Variants in TRRAP observed in about 807,000 individuals in gnomAD.
TRRAP encodes transformation/transcription domain associated protein.
In TRRAP, 41 loss-of-function variants were observed where a neutral mutation model predicts 438.8. The observed-to-expected ratio is 0.09, with a 90% confidence interval of 0.07 to 0.12. The LOEUF is 0.12. Ranked by LOEUF, TRRAP falls within the 10% of genes least tolerant of loss-of-function variation. The pLI is 1.00. For missense variants in TRRAP, 3,122 were observed against 5,055.1 expected, an observed-to-expected ratio of 0.62 and a Z score of 11.60; for synonymous variants, 1,994 against 1,962.9, an observed-to-expected ratio of 1.02 and a Z score of -0.42.
At chr7:98,986,955 G>C (rs1470929439) in intron 62 of TRRAP, among the ~76,000 whole-genome samples, 1 of 152,116 alleles carries the variant, frequency 6.6e-6, no homozygotes, top group Admixed American at 6.5e-5. Flanking sequence ...GAAAAGTCTA[G>C]TCTTTCTCCA....
chr7:98,882,933 A>G (rs1328420746), intron 3 of TRRAP, among the ~76,000 whole-genome samples: 3 of 152,246 alleles, frequency 2.0e-5, no homozygotes, highest in African/African-American at 7.2e-5. Context: ...TGCTGGGATT[A>G]CAGGCATGGG....
In TRRAP at chr7:98,994,779, C is replaced by T. The variant is rs1793575476; in HGVS notation, c.10240C>T (p.Leu3414=). The change falls in exon 67 of 73, where the codon CTG becomes TTG. Residue 3414 remains leucine, a synonymous_variant. Coordinates refer to ENST00000456197, the MANE Select transcript of TRRAP (RefSeq NM_001375524.1). This position sits in a 1 kb window ranked among gnomAD's most constrained non-coding sequence, Gnocchi z 4.8. Reference sequence around the variant, plus strand: ...GTTCTCCAGCGCAGCCTCTGAGTCTCTGGCCCGGCGGGCGCAGGCCACTGC... The same window carrying T: ...GTTCTCCAGCGCAGCCTCTGAGTCTTTGGCCCGGCGGGCGCAGGCCACTGC... ...TMFSSAASES[L]ARRAQATAQD... The T allele has an allele frequency of 1.2e-6, 2 of 1,614,212 alleles. No individual in the cohort carries two copies. Among genetic ancestry groups the T allele is most frequent in the South Asian group, 1.1e-5 (1 of 91,090 alleles).
intron 47 of TRRAP, among the ~76,000 whole-genome samples, chr7:98,963,015 C>A (rs1440381519): frequency 6.6e-6 from 1 of 152,144 alleles, no homozygotes; most frequent in Non-Finnish European, 1.5e-5. Flanking sequence ...ATTGCATATT[C>A]ATTGGGTGAA....
At chr7:98,900,407 C>T (rs1554406484) in intron 10 of TRRAP, among the ~76,000 whole-genome samples, 1 of 152,088 alleles carries the variant, frequency 6.6e-6, no homozygotes, top group African/African-American at 2.4e-5. Flanking sequence ...ATTGTAACTG[C>T]TATGGAATGG....
In TRRAP at chr7:98,897,835, A is replaced by T. The variant is rs552076320; in HGVS notation, c.602A>T (p.Asn201Ile). 1 of 1,614,026 alleles carries T rather than the reference A, an allele frequency of 6.2e-7. No individual in the cohort carries two copies. The highest frequency in any genetic ancestry group is 8.5e-7 in the Non-Finnish European group (1 of 1,180,000). Residue 201 changes from asparagine (N) to isoleucine (I), a missense_variant, in exon 8 of 73, where the codon AAC becomes ATC. Physicochemically the swap from Asn to Ile is moderately radical, Grantham distance 149. Transcript: ENST00000456197. ...ATAACAACGATTGCTGTGAAAGTCA[A>T]CCCGGAGCGTGAGGACAGTGAGACT... ...GMITTIAVKV[N>I]PEREDSETRT...
intron 46 of TRRAP, 146 bp downstream of exon 46, chr7:98,961,620 A>C (rs1791895602): frequency 9.9e-7 from 1 of 1,009,636 alleles, no homozygotes; most frequent in African/African-American, 1.6e-5. Context: ...TTAAAAACTG[A>C]CATGGAAACA....
At chr7:98,966,246 C>T (rs1290469157) in intron 49 of TRRAP, among the ~76,000 whole-genome samples, 5 of 151,556 alleles carry the variant, frequency 3.3e-5, no homozygotes, top group African/African-American at 9.7e-5. Context: ...GTGGAGCTTG[C>T]GGTGAGCTGA....
chr7:98,890,970 T>C (rs953628197), intron 4 of TRRAP, among the ~76,000 whole-genome samples: 1 of 150,562 alleles, frequency 6.6e-6, no homozygotes, highest in African/African-American at 2.4e-5. Context: ...TTTAAAAAAT[T>C]TTCTGTAGAG....
At chr7:98,926,087 A>G (rs2116489817) in intron 22 of TRRAP, among the ~76,000 whole-genome samples, 1 of 152,348 alleles carries the variant, frequency 6.6e-6, no homozygotes, top group South Asian at 2.1e-4. Flanking sequence ...GAGAACCTTT[A>G]AGAAGTTGTC....
chr7:99,009,402 T>C (rs911525172), intron 70 of TRRAP, among the ~76,000 whole-genome samples: 1 of 152,146 alleles, frequency 6.6e-6, no homozygotes, highest in African/African-American at 2.4e-5. Context: ...GTTGAGCCCA[T>C]GGTGTACTCT....
chr7:98,967,476 G>A lies in TRRAP; in HGVS notation c.7299-9G>A. On this transcript the variant is annotated splice_polypyrimidine_tract_variant and intron_variant, in intron 50 of 72. Coordinates refer to ENST00000456197, the MANE Select transcript of TRRAP (RefSeq NM_001375524.1). ...CATCGTCTTGCCTGTCTCTGACTTGGTGTTACAGGGATGAGACCCTCTCTG... is the reference window on the plus strand; with the variant it reads ...CATCGTCTTGCCTGTCTCTGACTTGATGTTACAGGGATGAGACCCTCTCTG... 1 of 1,613,420 alleles carries A rather than the reference G, an allele frequency of 6.2e-7. No individual in the cohort carries two copies. The highest frequency in any genetic ancestry group is 1.1e-5 in the South Asian group (1 of 91,052).
At chr7:98,996,279 C>T (rs1051001917) in intron 67 of TRRAP, among the ~76,000 whole-genome samples, 3 of 152,242 alleles carry the variant, frequency 2.0e-5, no homozygotes, top group Non-Finnish European at 2.9e-5. Context: ...AGCTGCTTCT[C>T]GTGCTGTCTG....
At chr7:98,935,701 A>G (rs1554414101) in intron 28 of TRRAP, 26 bp downstream of exon 28, 3 of 1,564,992 alleles carry the variant, frequency 1.9e-6, no homozygotes, top group African/African-American at 2.7e-5. Flanking sequence ...TCTACGGGGT[A>G]TAAAAGTGAA....
rs1055414977 is a variant in TRRAP, at chr7:99,008,627, G to A, written c.10938+66G>A. 11 of 1,552,966 alleles carry A rather than the reference G, an allele frequency of 7.1e-6. No homozygotes were observed. In the African/African-American group the frequency reaches 1.2e-4, roughly 17 times the overall value. Reference sequence around the variant, plus strand: ...AGCCCTCCTGTGTGGGGCAGTGCCTGGAGACAGGGGTGTTTAGGAGATGAA... The same window carrying A: ...AGCCCTCCTGTGTGGGGCAGTGCCTAGAGACAGGGGTGTTTAGGAGATGAA... On this transcript the variant is annotated intron_variant, in intron 70 of 72. Transcript: ENST00000456197.
intron 39 of TRRAP, 55 bp downstream of exon 39, chr7:98,951,059 CTGTGTGTG>C (rs67173253): frequency 2.1e-4 from 208 of 969,326 alleles, no homozygotes; most frequent in African/African-American, 6.9e-4. Flanking sequence ...GGATGAACAT[CTGTGTGTG>C]TGTGTGTGTG....
intron 12 of TRRAP, 37 bp downstream of exon 12, chr7:98,903,554 A>C: frequency 6.2e-7 from 1 of 1,610,882 alleles, no homozygotes; most frequent in Non-Finnish European, 8.5e-7. Flanking sequence ...TGCTGATGCT[A>C]GTCCTGTGGC....
Position 98,950,149 on chromosome 7 carries a change from G to C in TRRAP, c.5221G>C (p.Glu1741Gln). The C allele has an allele frequency of 6.2e-7, 1 of 1,614,202 alleles. No homozygotes were observed. Among genetic ancestry groups the C allele is most frequent in the Non-Finnish European group, 8.5e-7 (1 of 1,180,014 alleles). The change falls in exon 38 of 73, where the codon GAG becomes CAG. Residue 1741 changes from glutamate (E) to glutamine (Q), a missense_variant. Glu to Gln is a conservative substitution (Grantham distance 29). This residue lies in a region of TRRAP where 272 missense variants were observed against 348.5 expected (regional missense o/e 0.78). Transcript: ENST00000456197. Reference sequence around the variant, plus strand: ...TCTCTGCAACATGACATTCTTAAAAGAGTATATGGAGGAAGAGATTCCCAA... The same window carrying C: ...TCTCTGCAACATGACATTCTTAAAACAGTATATGGAGGAAGAGATTCCCAA... Reference protein sequence around the residue: ...RFLCNMTFLKEYMEEEIPKNY... With the variant: ...RFLCNMTFLKQYMEEEIPKNY...
At position 98,976,743 on chromosome 7, in the gene TRRAP, G is replaced by A. The variant is rs1039421780; in HGVS notation, c.8220G>A (p.Glu2740=). The A allele has an allele frequency of 1.2e-6, 2 of 1,613,684 alleles. No homozygotes were observed. The highest frequency in any genetic ancestry group is 1.3e-5 in the African/African-American group (1 of 74,930). The part of the protein sequence containing the change: ...IKPKQTTEFY[E]QESITPPQQE... ...CGAAGCAAACAACGGAGTTTTATGAGCAGGAGAGCATCACCCCGCCGCAGC... is the reference window on the plus strand; with the variant it reads ...CGAAGCAAACAACGGAGTTTTATGAACAGGAGAGCATCACCCCGCCGCAGC... The change falls in exon 55 of 73, where the codon GAG becomes GAA. Residue 2740 remains glutamate (E), a synonymous_variant. Coordinates refer to ENST00000456197, the MANE Select transcript of TRRAP (RefSeq NM_001375524.1). This position sits in a 1 kb window ranked among gnomAD's most constrained non-coding sequence, Gnocchi z 4.6.
intron 44 of TRRAP, 142 bp from the exon 45 acceptor site, chr7:98,959,202 G>C (rs1021472400): frequency 9.6e-6 from 11 of 1,146,712 alleles, no homozygotes; most frequent in African/African-American, 9.3e-5. Context: ...GCTGTGTGGA[G>C]GTCAGGCGGA....
Sources: allele counts gnomAD v4.1 joint callset (sites outside exome capture counted in the v4.1 genomes callset), GRCh38; gene constraint gnomAD v4.1.1; regional missense constraint gnomAD v4.1.1; non-coding constraint Gnocchi (gnomAD v3.1); transcripts MANE v1.5; gene names NCBI Gene and HGNC (gene_info 2026-07-23, HGNC 2026-07-21).